The following SERINC3 variants were observed in gnomAD, a reference collection of about 807,000 sequenced individuals.
SERINC3 encodes tumor differentially expressed protein 1.
Under a neutral mutation model 52.1 loss-of-function variants are expected in SERINC3, and 22 were observed. The observed-to-expected ratio is 0.42, with a 90% CI of 0.30 to 0.60. The LOEUF (loss-of-function observed/expected upper bound fraction) is 0.60, where lower values mean the gene tolerates loss of function less well. SERINC3 is among the 20% of genes least tolerant of loss of function. The probability of loss-of-function intolerance (pLI) is 0.16; values close to 1 mark genes in which losing one functional copy is unlikely to be tolerated. For missense variants in SERINC3, 564 were observed against 584.6 expected (o/e 0.96, Z 0.36); for synonymous variants, 226 against 212.7 (o/e 1.06, Z -0.54).
rs758967791 is a variant in SERINC3 at position 44,501,296 on chromosome 20, G to A, written c.1060C>T (p.Arg354Cys). ...TCTACTTGGCTATTAGTGGAAGTGC[G>A]GATGCTGGAAAGTGATCCCAAGGAA... ...FVLCLLYSSI[R>C]TSTNSQVDKL... The change falls in exon 9 of 10, where the codon CGC becomes TGC. Residue 354 changes from arginine (R) to cysteine (C), a missense_variant. Physicochemically the swap from Arg to Cys is radical, Grantham distance 180. Coordinates refer to ENST00000342374, the MANE Select transcript of SERINC3 (RefSeq NM_006811.4). The A allele has an allele frequency of 6.2e-6, 10 of 1,613,580 alleles. No homozygotes were observed. The highest frequency in any genetic ancestry group is 1.1e-5 in the South Asian group (1 of 91,040).
At chr20:44,503,259 G>C (rs1290315474) in intron 8 of SERINC3, among the ~76,000 whole-genome samples, 1 of 152,086 alleles carries the variant, frequency 6.6e-6, no homozygotes, top group Non-Finnish European at 1.5e-5. Context: ...TTGACAAGCT[G>C]ATCCTGAAAT....
rs2064259498 is a variant in SERINC3, at chr20:44,498,326, G to T, written c.*1970C>A. The T allele has an allele frequency of 6.6e-6, 1 of 152,272 alleles. No individual in the cohort carries two copies. Among genetic ancestry groups the T allele is most frequent in the Non-Finnish European group, 1.5e-5 (1 of 68,114 alleles). 9.4% of individuals were successfully genotyped at this position (152,272 alleles called of 1,614,324 possible). On this transcript the variant is annotated 3_prime_UTR_variant, in exon 10 of 10. Coordinates refer to ENST00000342374, the MANE Select transcript of SERINC3 (RefSeq NM_006811.4). ...ACGGTGGCTCATGCCAGTAATCCTA[G>T]AACTTTGGGAGGCCGCGGCAGGTGG...
Position 44,501,249 on chromosome 20 carries a change from A to G in SERINC3, c.1107T>C (p.Ser369=), listed in dbSNP as rs1600808100. The G allele has an allele frequency of 1.8e-5, 29 of 1,613,854 alleles. No individual in the cohort carries two copies. The East Asian group carries it at 6.5e-4, about 36-fold the overall frequency. Residue 369 remains serine (S), a synonymous_variant, in exon 9 of 10, where the codon AGT becomes AGC. Transcript: ENST00000342374. ...SQVDKLTLSG[S]DSVILGDTTT... ...TTGTATCACCAAGGATGACGCTGTCACTCCCTGACAGGGTCAGCTTGTCTA... is the reference window on the plus strand; with the variant it reads ...TTGTATCACCAAGGATGACGCTGTCGCTCCCTGACAGGGTCAGCTTGTCTA...
chr20:44,521,723 C>T (rs1489484472), intron 1 of SERINC3, among the ~76,000 whole-genome samples, 190 bp downstream of exon 1: 2 of 152,224 alleles, frequency 1.3e-5, no homozygotes, highest in Non-Finnish European at 2.9e-5. Context: ...CCCGAGGAAC[C>T]CGGAGGGCGA....
chr20:44,510,787 G>A (rs2064342226), intron 4 of SERINC3, among the ~76,000 whole-genome samples: 1 of 151,932 alleles, frequency 6.6e-6, no homozygotes, highest in Non-Finnish European at 1.5e-5. Context: ...CTCCAGCCTG[G>A]GAGACAGAGT....
chr20:44,518,128 C>T (rs571241666), intron 1 of SERINC3, among the ~76,000 whole-genome samples: 3 of 152,124 alleles, frequency 2.0e-5, no homozygotes, highest in East Asian at 1.9e-4. Context: ...CTGGATTAAG[C>T]GCAAAAGTTC....
At chr20:44,504,086 T>C (rs1600810027) in intron 7 of SERINC3, 91 bp from the exon 8 acceptor site, 3 of 1,066,350 alleles carry the variant, frequency 2.8e-6, no homozygotes, top group East Asian at 5.8e-5. Context: ...CATTCAGTCA[T>C]GATGTGAAAC....
chr20:44,520,068 T>C (rs1458591190), intron 1 of SERINC3, among the ~76,000 whole-genome samples: 1 of 152,174 alleles, frequency 6.6e-6, no homozygotes, highest in Non-Finnish European at 1.5e-5. Context: ...CAAAAGCCAA[T>C]GATTTAATGA....
rs989240117 is a variant in SERINC3, at chr20:44,516,831, A to C, written c.40-2791T>G. Among the ~76,000 whole-genome samples the C allele has an allele frequency of 2.0e-4, 31 of 152,182 alleles. 1 individual carries two copies. The highest frequency in any genetic ancestry group is 7.2e-4 in the African/African-American group (30 of 41,434). Reference sequence around the variant, plus strand: ...GGCCTCAGCCTCCTGAGTACAAGCAAGCACCACCATGCCCAGCTAAGAGAG... The same window carrying C: ...GGCCTCAGCCTCCTGAGTACAAGCACGCACCACCATGCCCAGCTAAGAGAG... On this transcript the variant is annotated intron_variant, in intron 1 of 9. Transcript: ENST00000342374.
chr20:44,514,658 G>C (rs2064368902), intron 1 of SERINC3, among the ~76,000 whole-genome samples: 1 of 152,196 alleles, frequency 6.6e-6, no homozygotes, highest in Non-Finnish European at 1.5e-5. Flanking sequence ...CTACTCAGGA[G>C]GCTGAGGCAG....
At chr20:44,517,471 G>C (rs2064387717) in intron 1 of SERINC3, among the ~76,000 whole-genome samples, 1 of 151,984 alleles carries the variant, frequency 6.6e-6, no homozygotes, top group Non-Finnish European at 1.5e-5. Context: ...ATATAACTGT[G>C]TCCTTATAAA....
At chr20:44,502,936 A>T (rs1165494165) in intron 8 of SERINC3, among the ~76,000 whole-genome samples, 1 of 152,180 alleles carries the variant, frequency 6.6e-6, no homozygotes, top group Non-Finnish European at 1.5e-5. Context: ...AACAACCCAA[A>T]AGTTAAGCTA....
At chr20:44,520,094 T>C (rs2064406176) in intron 1 of SERINC3, among the ~76,000 whole-genome samples, 1 of 152,198 alleles carries the variant, frequency 6.6e-6, no homozygotes, top group African/African-American at 2.4e-5. Context: ...GACTACATAA[T>C]GAAGCCTGCA....
In SERINC3 at chr20:44,499,759, T is replaced by C. The variant is rs563612054; in HGVS notation, c.*537A>G. 1 of 152,510 alleles carries C rather than the reference T, an allele frequency of 6.6e-6. No homozygotes were observed. The highest frequency in any genetic ancestry group is 1.5e-5 in the Non-Finnish European group (1 of 68,036). 9.4% of individuals were successfully genotyped at this position (152,510 alleles called of 1,614,324 possible). On this transcript the variant is annotated 3_prime_UTR_variant, in exon 10 of 10. Coordinates refer to ENST00000342374, the MANE Select transcript of SERINC3 (RefSeq NM_006811.4). ...GAAGCAGTAGCCATATCAGCAACCA[T>C]TCTTCTAGGGAAGGGACCCACATAT...
intron 8 of SERINC3, among the ~76,000 whole-genome samples, chr20:44,502,585 C>CA (rs1276917464): frequency 0.07 from 5,119 of 73,368 alleles, 173 homozygotes; most frequent in African/African-American, 0.13. Flanking sequence ...TTCTTCTCTT[C>CA]AAAAAAAAAA....
At chr20:44,515,952 G>A (rs1178211384) in intron 1 of SERINC3, among the ~76,000 whole-genome samples, 4 of 152,070 alleles carry the variant, frequency 2.6e-5, no homozygotes, top group African/African-American at 7.2e-5. Flanking sequence ...ACTGCACCCG[G>A]CCCACTAAAC....
At chr20:44,520,568 C>G (rs1482989331) in intron 1 of SERINC3, among the ~76,000 whole-genome samples, 2 of 151,988 alleles carry the variant, frequency 1.3e-5, no homozygotes, top group Middle Eastern at 3.2e-3. Context: ...AACACAGACA[C>G]GAAGATGGCA....
At chr20:44,508,690 A>G (rs1402116662) in intron 5 of SERINC3, among the ~76,000 whole-genome samples, 1 of 152,226 alleles carries the variant, frequency 6.6e-6, no homozygotes, top group Non-Finnish European at 1.5e-5. Context: ...AATGAGTAAG[A>G]CATACCTACA....
At chr20:44,511,463 G>T in intron 3 of SERINC3, 95 bp from the exon 4 acceptor site, 1 of 756,080 alleles carries the variant, frequency 1.3e-6, no homozygotes, top group Admixed American at 2.5e-5. Flanking sequence ...TAACTTAATA[G>T]CTTTTTTCCC....
Sources: gnomAD v4.1 joint callset for allele counts (sites outside exome capture counted in the v4.1 genomes callset) on GRCh38, gnomAD v4.1.1 for gene constraint, MANE v1.5 for transcripts, NCBI Gene and HGNC (gene_info 2026-07-23, HGNC 2026-07-21) for gene names.